Variants in VPS13B observed in about 807,000 individuals in gnomAD.
VPS13B encodes intermembrane lipid transfer protein VPS13B.
Under a neutral mutation model 426.4 loss-of-function variants are expected in VPS13B, and 285 were observed. The ratio of observed to expected loss-of-function variants is 0.67; its 90% CI spans 0.61 to 0.74. The LOEUF is 0.74. Among genes scored for constraint, VPS13B ranks in the 30% least tolerant of loss-of-function variants. The pLI is 0.00. For missense variants in VPS13B, 4,537 were observed against 4,782.6 expected (o/e 0.95, Z 1.51); for synonymous variants, 1,676 against 1,676.4 (o/e 1.00, Z 0.01).
At chr8:99,835,809 A>G (rs769310190) in intron 54 of VPS13B, 71 bp downstream of exon 54, 1 of 1,459,578 alleles carries the variant, frequency 6.9e-7, no homozygotes, top group Non-Finnish European at 9.5e-7. Context: ...TCAGTTGCCT[A>G]TTTTTAAACA....
At chr8:99,200,602 G>GT (rs1464496297) in intron 17 of VPS13B, among the ~76,000 whole-genome samples, 3 of 152,042 alleles carry the variant, frequency 2.0e-5, no homozygotes, top group Non-Finnish European at 4.4e-5. Flanking sequence ...CATTGTAGGT[G>GT]TGAAGTGGCA....
At chr8:99,468,049 G>A (rs752168772) in intron 24 of VPS13B, among the ~76,000 whole-genome samples, 1 of 152,012 alleles carries the variant, frequency 6.6e-6, no homozygotes, top group South Asian at 2.1e-4. Flanking sequence ...TGTGCACAAC[G>A]TGCAGATTTG....
chr8:99,416,436 C>T (rs1052274319), intron 21 of VPS13B, among the ~76,000 whole-genome samples: 4 of 152,032 alleles, frequency 2.6e-5, no homozygotes, highest in African/African-American at 4.8e-5. Flanking sequence ...TGGTCTGTCT[C>T]GCTGGCATTC....
intron 22 of VPS13B, among the ~76,000 whole-genome samples, chr8:99,432,214 T>C (rs1161872577): frequency 6.6e-6 from 1 of 152,150 alleles, no homozygotes; most frequent in Non-Finnish European, 1.5e-5. Context: ...AGATGCTTAT[T>C]TGATAAGCTA....
intron 43 of VPS13B, among the ~76,000 whole-genome samples, chr8:99,788,375 C>T (rs1226485751): frequency 1.4e-5 from 2 of 141,496 alleles, no homozygotes; most frequent in Non-Finnish European, 3.0e-5. Flanking sequence ...TATAATGAGA[C>T]CCCATCTTAA....
intron 21 of VPS13B, among the ~76,000 whole-genome samples, chr8:99,392,056 G>T (rs368883414): frequency 6.6e-6 from 1 of 152,144 alleles, no homozygotes; most frequent in Non-Finnish European, 1.5e-5. Flanking sequence ...AAGCAGGATC[G>T]TATTTCTATC....
intron 17 of VPS13B, among the ~76,000 whole-genome samples, chr8:99,200,604 G>T (rs1042358964): frequency 6.6e-6 from 1 of 152,022 alleles, no homozygotes; most frequent in African/African-American, 2.4e-5. Flanking sequence ...TTGTAGGTGT[G>T]AAGTGGCATC....
intron 35 of VPS13B, among the ~76,000 whole-genome samples, chr8:99,682,831 T>A (rs1831210435): frequency 6.6e-6 from 1 of 152,052 alleles, no homozygotes; most frequent in East Asian, 1.9e-4. Flanking sequence ...CTGAAATTTC[T>A]CCAGTCCCAG....
At chr8:99,231,880 T>C (rs1309353494) in intron 17 of VPS13B, among the ~76,000 whole-genome samples, 1 of 152,214 alleles carries the variant, frequency 6.6e-6, no homozygotes, top group Non-Finnish European at 1.5e-5. Context: ...ATTGATGGCT[T>C]ATACACCAAA....
intron 3 of VPS13B, among the ~76,000 whole-genome samples, chr8:99,085,985 C>A (rs1588017071): frequency 4.6e-5 from 7 of 152,100 alleles, no homozygotes; most frequent in Admixed American, 2.6e-4. Flanking sequence ...TTCTGTATTT[C>A]CTGAATTTGA....
At position 99,041,724 on chromosome 8, in the gene VPS13B, G is replaced by T. The variant is rs1448090509; in HGVS notation, c.291+3158G>T. ...AAAAATTAGCTGGGCGTGGTGGCCG[G>T]CGCCTGTAGTCCCAGCTACTCGGGA... On this transcript the variant is annotated intron_variant, in intron 3 of 61. Coordinates refer to ENST00000357162, the MANE Select transcript of VPS13B (RefSeq NM_152564.5). 4.6e-5 allele frequency among the ~76,000 whole-genome samples: 7 copies of T among 152,148 alleles called. No homozygotes were observed. The East Asian group carries it at 1.2e-3, about 25-fold the overall frequency.
intron 21 of VPS13B, among the ~76,000 whole-genome samples, chr8:99,400,089 A>G (rs979103568): frequency 1.3e-5 from 2 of 152,198 alleles, no homozygotes; most frequent in African/African-American, 2.4e-5. Context: ...CTTTGAAGGT[A>G]GAGCATAGAC....
intron 30 of VPS13B, among the ~76,000 whole-genome samples, chr8:99,537,509 A>G (rs1376008729): frequency 3.3e-5 from 5 of 152,218 alleles, no homozygotes; most frequent in African/African-American, 9.6e-5. Flanking sequence ...AAATTACATT[A>G]TGCAGTTACA....
chr8:99,642,630 A>C, intron 34 of VPS13B, 132 bp downstream of exon 34: 1 of 783,488 alleles, frequency 1.3e-6, no homozygotes, highest in South Asian at 1.7e-5. Context: ...TGGAAAGTTC[A>C]TGTTCCACAG....
intron 33 of VPS13B, among the ~76,000 whole-genome samples, chr8:99,605,496 T>C (rs542121888): frequency 6.3e-4 from 96 of 152,244 alleles, no homozygotes; most frequent in Non-Finnish European, 1.2e-3. Context: ...TTTCTCCTGC[T>C]TAATTTATCT....
chr8:99,408,153 G>A (rs1451259958), intron 21 of VPS13B, among the ~76,000 whole-genome samples: 1 of 152,156 alleles, frequency 6.6e-6, no homozygotes, highest in Non-Finnish European at 1.5e-5. Flanking sequence ...TAATAAAAGT[G>A]AGCAAGATGG....
intron 22 of VPS13B, among the ~76,000 whole-genome samples, chr8:99,433,259 G>A (rs929134049): frequency 1.3e-5 from 2 of 152,182 alleles, no homozygotes. Flanking sequence ...TGATTCTGTG[G>A]CATTCCTTGT....
intron 17 of VPS13B, among the ~76,000 whole-genome samples, chr8:99,227,107 T>C (rs1816061212): frequency 6.6e-6 from 1 of 152,174 alleles, no homozygotes; most frequent in South Asian, 2.1e-4. Context: ...ATACCAACTT[T>C]TTTAGCTCTT....
chr8:99,864,633 A>G (rs1294173819), intron 58 of VPS13B, among the ~76,000 whole-genome samples: 1 of 152,254 alleles, frequency 6.6e-6, no homozygotes, highest in Non-Finnish European at 1.5e-5. Flanking sequence ...TCTTCAATAA[A>G]AAGACAGAAA....
Sources: gnomAD v4.1 joint callset for allele counts (sites outside exome capture counted in the v4.1 genomes callset) on GRCh38, gnomAD v4.1.1 for gene constraint, MANE v1.5 for transcripts, NCBI Gene and HGNC (gene_info 2026-07-23, HGNC 2026-07-21) for gene names.